Variants in HLA-DRA observed in about 807,000 individuals in gnomAD.
HLA-DRA encodes the protein major histocompatibility complex, class II, DR alpha.
A neutral mutation model predicts 22.1 loss-of-function variants in HLA-DRA; 8 were observed. The observed-to-expected ratio is 0.36, with a 90% CI of 0.21 to 0.65. The LOEUF (loss-of-function observed/expected upper bound fraction) is 0.65. Among genes scored for constraint, HLA-DRA ranks in the 30% least tolerant of loss-of-function variants. The pLI, the probability that HLA-DRA is intolerant of heterozygous loss-of-function variation, is 0.63. For missense variants in HLA-DRA, 248 were observed against 321.3 expected, an observed-to-expected ratio of 0.77 and a Z score of 1.74; for synonymous variants, 101 against 117.1, an observed-to-expected ratio of 0.86 and a Z score of 0.89.
At chr6:32,441,161 G>A (rs908407518) in intron 1 of HLA-DRA, among the ~76,000 whole-genome samples, 8 of 152,170 alleles carry the variant, frequency 5.3e-5, no homozygotes, top group South Asian at 2.1e-4. Context: ...GATCGAGACC[G>A]TCCTGGGCAA....
chr6:32,444,420 G>T (rs1187627441), intron 4 of HLA-DRA, among the ~76,000 whole-genome samples: 1 of 152,080 alleles, frequency 6.6e-6, no homozygotes, highest in Non-Finnish European at 1.5e-5. Context: ...GCCTGCTTTT[G>T]CTTCTTTAGT....
chr6:32,443,259 G>A lies in HLA-DRA; in HGVS notation c.403G>A (p.Asp135Asn), dbSNP rs1762730742. 2 of 1,612,746 alleles carry A rather than the reference G, an allele frequency of 1.2e-6. No homozygotes were observed. The highest frequency in any genetic ancestry group is 1.7e-5 in the Admixed American group (1 of 59,996). Residue 135 changes from aspartate to asparagine, a missense_variant, in exon 3 of 5, where the codon GAC becomes AAC. Transcript: ENST00000395388. ...REPNVLICFI[D>N]KFTPPVVNVT... ...GCCCAACGTCCTCATCTGTTTCATA[G>A]ACAAGTTCACCCCACCAGTGGTCAA...
chr6:32,443,042 A>G (rs1762716301), intron 2 of HLA-DRA, 143 bp from the exon 3 acceptor site: 4 of 739,234 alleles, frequency 5.4e-6, no homozygotes. Flanking sequence ...GATGTGACAT[A>G]GATTTCTCAG....
chr6:32,442,822 C>A lies in HLA-DRA; in HGVS notation c.328+129C>A. ...GGTCTAACCTTGCCATTAACAAGCCCCAAATTCTCATGCCAGAGGTCTGAG... is the reference window on the plus strand; with the variant it reads ...GGTCTAACCTTGCCATTAACAAGCCACAAATTCTCATGCCAGAGGTCTGAG... On this transcript the variant is annotated intron_variant, in intron 2 of 4. Coordinates refer to ENST00000395388, the MANE Select transcript of HLA-DRA (RefSeq NM_019111.5). The A allele has an allele frequency of 1.8e-6, 2 of 1,122,670 alleles. 1 individual carries two copies. Among genetic ancestry groups the A allele is most frequent in the South Asian group, 3.0e-5 (2 of 66,994 alleles). The allele number at this position is 1,122,670 out of a possible 1,614,324, so 69.5% of individuals were successfully genotyped here.
intron 1 of HLA-DRA, among the ~76,000 whole-genome samples, chr6:32,442,122 C>G (rs149559574): frequency 3.1e-3 from 479 of 152,300 alleles, no homozygotes; most frequent in Admixed American, 5.2e-3. Flanking sequence ...GGGGCTGCTG[C>G]TGGATTTCTA....
At chr6:32,441,351 C>T (rs748287212) in intron 1 of HLA-DRA, among the ~76,000 whole-genome samples, 1 of 152,012 alleles carries the variant, frequency 6.6e-6, no homozygotes, top group Non-Finnish European at 1.5e-5. Flanking sequence ...AGCAAGACTC[C>T]GTCTCAAACA....
At chr6:32,441,848 A>G (rs1762640875) in intron 1 of HLA-DRA, among the ~76,000 whole-genome samples, 2 of 152,258 alleles carry the variant, frequency 1.3e-5, no homozygotes, top group Admixed American at 1.3e-4. Flanking sequence ...TCTTAAAAAC[A>G]AACCCCTGAC....
intron 1 of HLA-DRA, among the ~76,000 whole-genome samples, chr6:32,440,418 C>T (rs1762544613): frequency 1.5e-5 from 1 of 67,906 alleles, no homozygotes; most frequent in Non-Finnish European, 2.6e-5. Flanking sequence ...CATAGTTTTG[C>T]TAGAATTAAA....
chr6:32,442,168 C>G (rs1405838627), intron 1 of HLA-DRA, among the ~76,000 whole-genome samples: 2 of 152,154 alleles, frequency 1.3e-5, no homozygotes, highest in African/African-American at 2.4e-5. Context: ...AACATGGAGC[C>G]AAACAACAGC....
intron 4 of HLA-DRA, among the ~76,000 whole-genome samples, chr6:32,444,262 G>A (rs1248395710): frequency 6.6e-6 from 1 of 151,896 alleles, no homozygotes; most frequent in Non-Finnish European, 1.5e-5. Flanking sequence ...TGAGTCTAGG[G>A]ATCTAGAAAA....
intron 1 of HLA-DRA, among the ~76,000 whole-genome samples, chr6:32,441,093 T>C (rs1401315471): frequency 1.3e-5 from 2 of 152,210 alleles, no homozygotes; most frequent in African/African-American, 4.8e-5. Flanking sequence ...GCACGGTGGC[T>C]CACGCCTGTA....
chr6:32,442,913 C>T (rs190640089), intron 2 of HLA-DRA, among the ~76,000 whole-genome samples: 3 of 152,236 alleles, frequency 2.0e-5, no homozygotes, highest in South Asian at 2.1e-4. Context: ...TGGTCTCCTA[C>T]GAAGTCATTG....
intron 1 of HLA-DRA, among the ~76,000 whole-genome samples, chr6:32,442,010 T>C (rs6911419): frequency 0.49 from 73,883 of 151,616 alleles, 18,593 homozygotes; most frequent in Middle Eastern, 0.66. Context: ...ACAGCGTTTC[T>C]TTCTTCTTAG....
At chr6:32,440,099 A>T (rs1762521494) in intron 1 of HLA-DRA, 67 bp downstream of exon 1, 4 of 1,293,460 alleles carry the variant, frequency 3.1e-6, no homozygotes, top group Non-Finnish European at 3.4e-6. Context: ...ACCTATGGAC[A>T]TTTGGAAGAT....
At chr6:32,441,454 G>C (rs1043865891) in intron 1 of HLA-DRA, among the ~76,000 whole-genome samples, 1 of 152,196 alleles carries the variant, frequency 6.6e-6, no homozygotes, top group Non-Finnish European at 1.5e-5. Context: ...CACAGAGGCA[G>C]CATACTCTCC....
Position 32,442,441 on chromosome 6 carries a change from C to T in HLA-DRA, c.83-7C>T. On this transcript the variant is annotated splice_polypyrimidine_tract_variant and splice_region_variant and intron_variant, in intron 1 of 4. Coordinates refer to ENST00000395388, the MANE Select transcript of HLA-DRA (RefSeq NM_019111.5). ...CCAACTCTCTTTCTCCATTTCTTGC[C>T]TTTCAGAAGAACATGTGATCATCCA... 1 of 1,612,948 alleles carries T rather than the reference C, an allele frequency of 6.2e-7. No homozygotes were observed. Among genetic ancestry groups the T allele is most frequent in the Non-Finnish European group, 8.5e-7 (1 of 1,179,956 alleles).
chr6:32,442,791 TC>T, intron 2 of HLA-DRA, 98 bp downstream of exon 2: 1 of 1,472,914 alleles, frequency 6.8e-7, no homozygotes, highest in South Asian at 1.3e-5. Flanking sequence ...TGATTTTCCC[TC>T]CAAGGGTCTA....
Position 32,443,753 on chromosome 6 carries a change from C to A in HLA-DRA, c.611-3C>A, listed in dbSNP as rs77288165. ...CCATGTACTCTGCCTTATTTCCCCC[C>A]AGAGTTTGATGCTCCAAGCCCTCTC... On this transcript the variant is annotated splice_polypyrimidine_tract_variant and splice_region_variant and intron_variant, in intron 3 of 4. Transcript: ENST00000395388. 4 of 1,579,014 alleles carry A rather than the reference C, an allele frequency of 2.5e-6. No homozygotes were observed. In the Admixed American group the frequency reaches 5.6e-5, roughly 22 times the overall value.
Position 32,442,095 on chromosome 6 carries a change from G to T in HLA-DRA, c.83-353G>T, listed in dbSNP as rs9501629. On this transcript the variant is annotated intron_variant, in intron 1 of 4. Coordinates refer to ENST00000395388, the MANE Select transcript of HLA-DRA (RefSeq NM_019111.5). ...TTTAATGCCCGGGTAAAGAAAGTGA[G>T]AGAACATTTCTCTTTAGGGGCTGCT... 3.7e-3 allele frequency among the ~76,000 whole-genome samples: 566 copies of T among 152,330 alleles called. 2 individuals are homozygous for T. The highest frequency in any genetic ancestry group is 0.012 in the African/African-American group (503 of 41,572).
Sources: gnomAD v4.1 joint callset for allele counts (sites outside exome capture counted in the v4.1 genomes callset) on GRCh38, gnomAD v4.1.1 for gene constraint, MANE v1.5 for transcripts, NCBI Gene and HGNC (gene_info 2026-07-23, HGNC 2026-07-21) for gene names.